Variants in VPS13D observed in about 807,000 individuals in gnomAD.
VPS13D encodes intermembrane lipid transfer protein VPS13D.
A neutral mutation model predicts 461.9 loss-of-function variants in VPS13D; 187 were observed. The observed-to-expected ratio is 0.40, with a 90% confidence interval of 0.36 to 0.46. VPS13D has a LOEUF of 0.46. Among genes scored for constraint, VPS13D ranks in the 20% least tolerant of loss-of-function variants. VPS13D has a pLI of 0.60. For missense variants in VPS13D, 4,711 were observed against 5,364.9 expected, an observed-to-expected ratio of 0.88 and a Z score of 3.81; for synonymous variants, 1,951 against 1,986.3, an observed-to-expected ratio of 0.98 and a Z score of 0.47.
intron 21 of VPS13D, among the ~76,000 whole-genome samples, chr1:12,285,276 ATTTATTTATTTATTTATTTAT>A (rs1641927565): frequency 6.8e-6 from 1 of 146,800 alleles, no homozygotes; most frequent in Non-Finnish European, 1.5e-5. Flanking sequence ...GTATTTATTT[ATTTATTTATTTATTTATTTAT>A]TTTTTTTTTT....
intron 42 of VPS13D, 85 bp from the exon 43 acceptor site, chr1:12,345,289 C>A: frequency 6.7e-7 from 1 of 1,488,774 alleles, no homozygotes; most frequent in Non-Finnish European, 9.1e-7. Flanking sequence ...ATCATATGTA[C>A]TAAATCAGAT....
In VPS13D at chr1:12,276,405, G is replaced by T. The variant is rs2101357357; in HGVS notation, c.2817G>T (p.Val939=). 1 of 1,614,234 alleles carries T rather than the reference G, an allele frequency of 6.2e-7. No homozygotes were observed. Among genetic ancestry groups the T allele is most frequent in the East Asian group, 2.2e-5 (1 of 44,876 alleles). ...DSVMNLTQSI[V]LLEQHTREVL... is the part of the protein sequence containing the mutation. Reference sequence around the variant, plus strand: ...TAATGAATTTAACCCAGAGCATTGTGTTGTTGGAGCAGCATACCCGCGAGG... The same window carrying T: ...TAATGAATTTAACCCAGAGCATTGTTTTGTTGGAGCAGCATACCCGCGAGG... The change falls in exon 19 of 70, where the codon GTG becomes GTT. Residue 939 remains valine (V), a synonymous_variant. Coordinates refer to ENST00000620676, the MANE Select transcript of VPS13D (RefSeq NM_015378.4). This position sits in a 1 kb window ranked among gnomAD's most constrained non-coding sequence, Gnocchi z 4.5.
intron 47 of VPS13D, among the ~76,000 whole-genome samples, chr1:12,355,545 A>G (rs1283744770): frequency 1.3e-5 from 2 of 152,138 alleles, no homozygotes; most frequent in Non-Finnish European, 2.9e-5. Flanking sequence ...CCCCCAAAAT[A>G]TGTACAGTTA....
chr1:12,302,792 A>G (rs1177611076), intron 25 of VPS13D, among the ~76,000 whole-genome samples: 1 of 147,950 alleles, frequency 6.8e-6, no homozygotes, highest in East Asian at 2.0e-4. Flanking sequence ...CTTTCATACT[A>G]TGTAAAGATG....
intron 2 of VPS13D, among the ~76,000 whole-genome samples, chr1:12,238,186 T>TC (rs200158977): frequency 8.3e-6 from 1 of 120,190 alleles, no homozygotes; most frequent in Non-Finnish European, 1.7e-5. Context: ...TATATATATC[T>TC]CCCCCCCAAA....
At chr1:12,337,782 C>T (rs1643482785) in intron 39 of VPS13D, 1 of 157,220 alleles carries the variant, frequency 6.4e-6, no homozygotes, top group Non-Finnish European at 1.4e-5. Flanking sequence ...CTGACTCTTC[C>T]CCTGAATTTT....
chr1:12,348,630 A>AT (rs555444891), intron 44 of VPS13D, among the ~76,000 whole-genome samples, 193 bp from the exon 45 acceptor site: 2,558 of 149,030 alleles, frequency 0.017, 32 homozygotes, highest in Middle Eastern at 0.041. Flanking sequence ...ACTTTTTAGA[A>AT]TTTTTTTTTT....
intron 13 of VPS13D, among the ~76,000 whole-genome samples, chr1:12,266,345 AAG>A (rs901367726): frequency 2.0e-5 from 3 of 152,212 alleles, no homozygotes; most frequent in African/African-American, 7.2e-5. Context: ...CTGTGAAAGG[AAG>A]AGTCAGTTGA....
rs772991993 is a variant in VPS13D at position 12,308,587 on chromosome 1, G to A, written c.6596G>A (p.Ser2199Asn). 5.0e-6 allele frequency: 8 copies of A among 1,613,878 alleles called. No homozygotes were observed. Among genetic ancestry groups the A allele is most frequent in the Non-Finnish European group, 5.1e-6 (6 of 1,180,002 alleles). ...TATTTTGTGCGACAGACAGGAGGAA[G>A]CCTCTTAACCGAGCCTTGTAGGCTG... ...PSYFVRQTGG[S>N]LLTEPCRLKL... The change falls in exon 27 of 70, where the codon AGC becomes AAC. Residue 2199 changes from serine to asparagine, a missense_variant. By Grantham distance (46) the Ser-to-Asn change is conservative. Coordinates refer to ENST00000620676, the MANE Select transcript of VPS13D (RefSeq NM_015378.4).
Position 12,314,200 on chromosome 1 carries a change from G to T in VPS13D, c.7021G>T (p.Ala2341Ser). The change falls in exon 30 of 70, where the codon GCT becomes TCT. Residue 2341 changes from alanine (A) to serine (S), a missense_variant. This residue lies in a region of VPS13D where 4,411 missense variants were observed against 4,937.8 expected (regional missense o/e 0.89). Coordinates refer to ENST00000620676, the MANE Select transcript of VPS13D (RefSeq NM_015378.4). The part of the protein sequence containing the change: ...SINLVSHSMM[A>S]FDTRYAGQKT... ...TAACTTGGTTTCCCATTCCATGATG[G>T]CTTTTGACACCCGTTATGCTGGGCA... The T allele has an allele frequency of 6.2e-7, 1 of 1,614,032 alleles. No individual in the cohort carries two copies.
chr1:12,414,115 C>A (rs1644765725), intron 63 of VPS13D, among the ~76,000 whole-genome samples: 2 of 152,146 alleles, frequency 1.3e-5, no homozygotes. Context: ...GAAAACCCTT[C>A]TCTACAAAAA....
chr1:12,483,621 G>A (rs763728870), intron 67 of VPS13D, among the ~76,000 whole-genome samples: 4 of 151,932 alleles, frequency 2.6e-5, no homozygotes, highest in East Asian at 3.9e-4. Flanking sequence ...GGTGAATTCC[G>A]TTCCTGTAAG....
Position 12,327,726 on chromosome 1 carries a change from G to A in VPS13D, c.8069G>A (p.Arg2690Gln), listed in dbSNP as rs747457734. The A allele has an allele frequency of 3.2e-5, 51 of 1,614,034 alleles. No individual in the cohort carries two copies. In the South Asian group the frequency reaches 4.8e-4, roughly 15 times the overall value. ...LKSLSLASTS[R>Q]DSPGAVAAPL... Reference sequence around the variant, plus strand: ...TCTCTTTCCTTGGCCTCCACCAGCCGAGATAGCCCAGGGGCTGTGGCAGCG... The same window carrying A: ...TCTCTTTCCTTGGCCTCCACCAGCCAAGATAGCCCAGGGGCTGTGGCAGCG... The change falls in exon 36 of 70, where the codon CGA (arginine) becomes CAA (glutamine). Residue 2690 changes from arginine (R) to glutamine (Q), a missense_variant. Coordinates refer to ENST00000620676, the MANE Select transcript of VPS13D (RefSeq NM_015378.4).
Position 12,342,650 on chromosome 1 carries a change from C to T in VPS13D, c.8733-249C>T, listed in dbSNP as rs539802558. Among the ~76,000 whole-genome samples the T allele has an allele frequency of 3.3e-5, 5 of 152,374 alleles. No homozygotes were observed. In the South Asian group the frequency reaches 1.0e-3, roughly 32 times the overall value. On this transcript the variant is annotated intron_variant, in intron 41 of 69. Transcript: ENST00000620676. The stretch of plus-strand genomic sequence containing the variant: ...TGCCTTAATTCACATGTACCAGATT[C>T]TACTGCCTGAGGTAAGTGGCTACAG...
chr1:12,365,513 G>A (rs1159598287), intron 52 of VPS13D, among the ~76,000 whole-genome samples: 1 of 152,050 alleles, frequency 6.6e-6, no homozygotes, highest in African/African-American at 2.4e-5. Flanking sequence ...AGACCAGTCT[G>A]ACCAACATGG....
At chr1:12,353,681 C>T (rs1005838554) in intron 46 of VPS13D, among the ~76,000 whole-genome samples, 8 of 151,072 alleles carry the variant, frequency 5.3e-5, no homozygotes, top group South Asian at 2.1e-4. Context: ...AGGAGAATAT[C>T]GATTGGAAAA....
intron 65 of VPS13D, among the ~76,000 whole-genome samples, chr1:12,421,145 A>T (rs986928164): frequency 6.6e-6 from 1 of 152,164 alleles, no homozygotes; most frequent in Admixed American, 6.5e-5. Context: ...TCATCTCCCA[A>T]CGCTAGAAAT....
Position 12,256,992 on chromosome 1 carries a change from A to G in VPS13D, c.846A>G (p.Gln282=). Residue 282 remains glutamine, a synonymous_variant, in exon 9 of 70, where the codon CAA becomes CAG. Coordinates refer to ENST00000620676, the MANE Select transcript of VPS13D (RefSeq NM_015378.4). ...TCTTAACCTCTAATACAAAGCTGCA[A>G]TACCGGCAAATCATGGAATTCCTCA... The part of the protein sequence containing the change: ...ETIPLKLSQL[Q]YRQIMEFLKE... The G allele has an allele frequency of 1.2e-6, 2 of 1,614,182 alleles. No homozygotes were observed. The highest frequency in any genetic ancestry group is 1.1e-5 in the South Asian group (1 of 91,084).
chr1:12,251,868 C>T (rs899698478), intron 6 of VPS13D, among the ~76,000 whole-genome samples: 2 of 152,290 alleles, frequency 1.3e-5, no homozygotes, highest in African/African-American at 4.8e-5. Context: ...TTGCCACAAA[C>T]CAGATGGCTT....
Sources: gnomAD v4.1 joint callset for allele counts (sites outside exome capture counted in the v4.1 genomes callset) on GRCh38, gnomAD v4.1.1 for gene constraint, gnomAD v4.1.1 regional missense constraint, Gnocchi (gnomAD v3.1) non-coding constraint, MANE v1.5 for transcripts, NCBI Gene and HGNC (gene_info 2026-07-23, HGNC 2026-07-21) for gene names.